Variants in BRCA1 observed in about 807,000 individuals in gnomAD.
The protein encoded by BRCA1 is breast cancer type 1 susceptibility protein.
A neutral mutation model predicts 173.7 loss-of-function variants in BRCA1; 140 were observed. The observed-to-expected ratio is 0.81, with a 90% CI of 0.70 to 0.93. The LOEUF (loss-of-function observed/expected upper bound fraction) is 0.93. Among genes scored for constraint, BRCA1 ranks in the 40% least tolerant of loss-of-function variants. The pLI is 0.00. For synonymous variants in BRCA1, 662 were observed against 756.0 expected, an observed-to-expected ratio of 0.88 and a Z score of 2.04; for missense variants, 1,983 against 2,172.5, an observed-to-expected ratio of 0.91 and a Z score of 1.73.
At chr17:43,107,476 G>T (rs1460239232) in intron 3 of BRCA1, among the ~76,000 whole-genome samples, 1 of 150,914 alleles carries the variant, frequency 6.6e-6, no homozygotes, top group Non-Finnish European at 1.5e-5. Flanking sequence ...CACCTCCTAG[G>T]CTCAAGCAAT....
Position 43,092,063 on chromosome 17 carries a change from A to G in BRCA1, c.3468T>C (p.Asp1156=), listed in dbSNP as rs864622146. 24 of 1,614,052 alleles carry G rather than the reference A, an allele frequency of 1.5e-5. No homozygotes were observed. Among genetic ancestry groups the G allele is most frequent in the Non-Finnish European group, 2.0e-5 (24 of 1,180,026 alleles). ...AACTAGTATCTTCCTTTATTTCACC[A>G]TCATCTAACAGGTCATCAGGTGTCT... ...CSETPDDLLD[D]GEIKEDTSFA... is the part of the protein sequence containing the mutation. Residue 1156 remains aspartate, a synonymous_variant, in exon 10 of 23, where the codon GAT becomes GAC. Coordinates refer to ENST00000357654, the MANE Select transcript of BRCA1 (RefSeq NM_007294.4).
intron 11 of BRCA1, among the ~76,000 whole-genome samples, chr17:43,089,998 G>C (rs2053383430): frequency 6.6e-6 from 1 of 150,376 alleles, no homozygotes; most frequent in African/African-American, 2.5e-5. Flanking sequence ...CAGAGTAAGA[G>C]ACCCTGTGTC....
At chr17:43,131,326 C>T in intron 1 of BRCA1, 1 of 472,678 alleles carries the variant, frequency 2.1e-6, no homozygotes, top group South Asian at 1.7e-5. Flanking sequence ...TCTTATTTCT[C>T]CAGTGATATG....
Position 43,071,020 on chromosome 17 carries a change from C to G in BRCA1, c.4894G>C (p.Val1632Leu), listed in dbSNP as rs770193975. 1 of 1,614,252 alleles carries G rather than the reference C, an allele frequency of 6.2e-7. No individual in the cohort carries two copies. The highest frequency in any genetic ancestry group is 8.5e-7 in the Non-Finnish European group (1 of 1,180,048). The change falls in exon 15 of 23, where the codon GTG becomes CTG. Residue 1632 changes from valine to leucine, a missense_variant. Transcript: ENST00000357654. ...TAGYNAMEES[V>L]SREKPELTAS... ...GTCAATTCTGGCTTCTCCCTGCTCACACTTTCTTCCATTGCATTATACCCA... is the reference window on the plus strand; with the variant it reads ...GTCAATTCTGGCTTCTCCCTGCTCAGACTTTCTTCCATTGCATTATACCCA...
chr17:43,050,278 A>G lies in BRCA1; in HGVS notation c.5332+785T>C, dbSNP rs8176300. ...GGTAAGCTTTATAGCAGTCCTAAGCATAACATTGTATTAAGTGTCAAGTTT... is the reference window on the plus strand; with the variant it reads ...GGTAAGCTTTATAGCAGTCCTAAGCGTAACATTGTATTAAGTGTCAAGTTT... On this transcript the variant is annotated intron_variant, in intron 20 of 22. Coordinates refer to ENST00000357654, the MANE Select transcript of BRCA1 (RefSeq NM_007294.4). The G allele has an allele frequency of 2.5e-5, 10 of 392,718 alleles. No individual in the cohort carries two copies. The South Asian group carries it at 1.4e-3, about 56-fold the overall frequency. 24.3% of individuals were successfully genotyped at this position (392,718 alleles called of 1,614,324 possible). A position where few individuals can be genotyped will look rare whatever the true frequency, so the allele number is the denominator to read the frequency against.
chr17:43,094,147 C>T lies in BRCA1; in HGVS notation c.1384G>A (p.Gly462Arg), dbSNP rs80357221. 1.4e-5 allele frequency: 22 copies of T among 1,613,866 alleles called. No homozygotes were observed. The highest frequency in any genetic ancestry group is 1.6e-5 in the Non-Finnish European group (19 of 1,180,002). Residue 462 changes from glycine to arginine, a missense_variant, in exon 10 of 23, where the codon GGG (glycine) becomes AGG (arginine). Physicochemically the swap from Gly to Arg is moderately radical, Grantham distance 125 (BLOSUM62 -2). Transcript: ENST00000357654. ...VESNIEDKIF[G>R]KTYRKKASLP... The stretch of plus-strand genomic sequence containing the variant: ...CTTGCCTTCTTCCGATAGGTTTTCC[C>T]AAATATTTTGTCTTCAATATTACTC...
chr17:43,148,396 G>C (rs902874601), intron 1 of BRCA1: 2 of 152,730 alleles, frequency 1.3e-5, no homozygotes, highest in African/African-American at 4.8e-5. Flanking sequence ...TTAATCACCT[G>C]GAGTCAGCAA....
intron 18 of BRCA1, among the ~76,000 whole-genome samples, chr17:43,058,482 C>G (rs1436502584): frequency 6.6e-6 from 1 of 152,140 alleles, no homozygotes; most frequent in African/African-American, 2.4e-5. Flanking sequence ...TTTTGGTAGA[C>G]CAGGTGAAAT....
chr17:43,166,983 G>C (rs1722089840), intron 1 of BRCA1: 1 of 152,324 alleles, frequency 6.6e-6, no homozygotes, highest in African/African-American at 2.4e-5. Flanking sequence ...CTCTTACCAA[G>C]TTTTAGATGT....
intron 3 of BRCA1, among the ~76,000 whole-genome samples, chr17:43,109,022 C>A (rs765845161): frequency 5.0e-4 from 59 of 118,996 alleles, no homozygotes; most frequent in Non-Finnish European, 7.1e-4. Context: ...AACAAAAAAA[C>A]CCCAACTATA....
chr17:43,123,349 GT>G (rs149379936), intron 2 of BRCA1, among the ~76,000 whole-genome samples: 6,649 of 85,302 alleles, frequency 0.078, 313 homozygotes, highest in African/African-American at 0.33. Flanking sequence ...GATCATCCAT[GT>G]TTTTTTTTTT....
intron 2 of BRCA1, among the ~76,000 whole-genome samples, chr17:43,118,433 G>A (rs1443115519): frequency 6.6e-6 from 1 of 151,478 alleles, no homozygotes; most frequent in Non-Finnish European, 1.5e-5. Flanking sequence ...CTGGAGTGCA[G>A]TGGCACCATC....
intron 1 of BRCA1, chr17:43,162,083 A>C (rs1258553522): frequency 6.6e-6 from 1 of 152,152 alleles, no homozygotes; most frequent in Non-Finnish European, 1.5e-5. Context: ...GCGAGGATCA[A>C]GGGGATTGGT....
chr17:43,096,393 A>AAAAAAAAAG (rs1555593762), intron 8 of BRCA1, among the ~76,000 whole-genome samples: 2 of 149,796 alleles, frequency 1.3e-5, no homozygotes, highest in Non-Finnish European at 3.0e-5. Context: ...AAAAAAAAAA[A>AAAAAAAAAG]AGAGAGAAAG....
At position 43,057,049 on chromosome 17, in the gene BRCA1, T is replaced by C. The variant is rs397509250; in HGVS notation, c.5277+3A>G. ...TTTGTCAACTTGAGGGAGGGAGCTT[T>C]ACCTTTCTGTCCTGGGATTCTCTTG... On this transcript the variant is annotated splice_donor_region_variant and intron_variant, in intron 19 of 22. Transcript: ENST00000357654. The C allele has an allele frequency of 4.3e-6, 7 of 1,614,004 alleles. No homozygotes were observed. Among genetic ancestry groups the C allele is most frequent in the Non-Finnish European group, 5.9e-6 (7 of 1,179,890 alleles).
At chr17:43,091,245 A>T (rs1445482967) in intron 10 of BRCA1, 190 bp downstream of exon 10, 5 of 878,138 alleles carry the variant, frequency 5.7e-6, no homozygotes, top group Non-Finnish European at 9.0e-6. Context: ...CATTCAGTCA[A>T]AGATGACGTC....
chr17:43,154,465 C>T (rs1207628456), intron 1 of BRCA1, among the ~76,000 whole-genome samples: 3 of 151,944 alleles, frequency 2.0e-5, no homozygotes, highest in African/African-American at 7.3e-5. Flanking sequence ...GCTTGGGTGA[C>T]AGAGCTAGAC....
At chr17:43,155,404 T>A (rs1212488327) in intron 1 of BRCA1, among the ~76,000 whole-genome samples, 2 of 152,194 alleles carry the variant, frequency 1.3e-5, no homozygotes, top group African/African-American at 4.8e-5. Flanking sequence ...TAATGTTAAT[T>A]AATTTTTATA....
intron 1 of BRCA1, among the ~76,000 whole-genome samples, chr17:43,154,788 AT>A (rs2056186195): frequency 6.6e-6 from 1 of 152,076 alleles, no homozygotes; most frequent in South Asian, 2.1e-4. Context: ...TTGATGCAGA[AT>A]TAAAGAATAT....
Sources: gnomAD v4.1 joint callset for allele counts (sites outside exome capture counted in the v4.1 genomes callset) on GRCh38, gnomAD v4.1.1 for gene constraint, MANE v1.5 for transcripts, NCBI Gene and HGNC (gene_info 2026-07-23, HGNC 2026-07-21) for gene names.